Variants in PCP4L1 observed in about 807,000 individuals in gnomAD.
PCP4L1 encodes the protein Purkinje cell protein 4 like 1, also known as Purkinje cell protein 4-like protein 1.
In PCP4L1, 9 loss-of-function variants were observed where a neutral mutation model predicts 9.6. The observed-to-expected ratio is 0.94, with a 90% CI of 0.57 to 1.64. PCP4L1 has a LOEUF of 1.64. Ranked by LOEUF, PCP4L1 falls within the 40% of genes most tolerant of loss-of-function variation. The pLI is 0.00. For missense variants in PCP4L1, 81 were observed against 80.8 expected (o/e 1.00, Z -0.01); for synonymous variants, 31 against 28.2 (o/e 1.10, Z -0.31).
rs1160429112 is a variant in PCP4L1, at chr1:161,263,899, CTTTTTTTTTTT to C, written c.9+4934_9+4944del. On this transcript the variant is annotated intron_variant, in intron 1 of 2. Coordinates refer to ENST00000504449, the MANE Select transcript of PCP4L1 (RefSeq NM_001102566.2). ...ATGCTTGGCCTCAATACTTTCTTTC[CTTTTTTTTTTT>C]TTTTTTTTTTTTTTTTTGAGATGGA... is the stretch of plus-strand genomic sequence containing the variant. Among the ~76,000 whole-genome samples the C allele has an allele frequency of 6.0e-3, 425 of 70,788 alleles. 6 individuals carry two copies. Among genetic ancestry groups the C allele is most frequent in the Non-Finnish European group, 7.7e-3 (293 of 38,252 alleles). The allele number at this position is 70,788 out of a possible 152,430, so 46.4% of individuals were successfully genotyped here.
chr1:161,282,280 G>A (rs563383459), intron 1 of PCP4L1, among the ~76,000 whole-genome samples: 4 of 152,218 alleles, frequency 2.6e-5, no homozygotes, highest in Admixed American at 1.3e-4. Flanking sequence ...GCAGGCACTC[G>A]GCAGGCTGAG....
At chr1:161,280,570 C>T (rs1476857642) in intron 1 of PCP4L1, among the ~76,000 whole-genome samples, 5 of 152,300 alleles carry the variant, frequency 3.3e-5, no homozygotes, top group Non-Finnish European at 7.4e-5. Context: ...CCCTCTTGAG[C>T]CCATTACAAT....
At chr1:161,265,732 CTTTTTT>C (rs869123262) in intron 1 of PCP4L1, among the ~76,000 whole-genome samples, 3 of 76,704 alleles carry the variant, frequency 3.9e-5, no homozygotes, top group Admixed American at 1.7e-4. Context: ...TCCAAAACCA[CTTTTTT>C]TTTTTTTTTT....
At chr1:161,276,537 C>T (rs2102238571) in intron 1 of PCP4L1, among the ~76,000 whole-genome samples, 1 of 151,962 alleles carries the variant, frequency 6.6e-6, no homozygotes, top group South Asian at 2.1e-4. Context: ...ACAAAAATTA[C>T]CCAGGTATAG....
intron 1 of PCP4L1, among the ~76,000 whole-genome samples, chr1:161,270,530 TAAATGGG>T (rs1669605117): frequency 8.5e-6 from 1 of 117,318 alleles, no homozygotes. Flanking sequence ...AGAGCCCTCA[TAAATGGG>T]ATTAGTACCC....
At position 161,284,661 on chromosome 1, in the gene PCP4L1, G is replaced by T. The variant is rs1434269206; in HGVS notation, c.*180G>T. ...GAAGTAGAGGCACAAGAGAGGTGGA[G>T]AAGATGAAGACTTCAATCAGCAGTC... On this transcript the variant is annotated 3_prime_UTR_variant, in exon 3 of 3. Coordinates refer to ENST00000504449, the MANE Select transcript of PCP4L1 (RefSeq NM_001102566.2). 9 of 780,956 alleles carry T rather than the reference G, an allele frequency of 1.2e-5. No homozygotes were observed. Among genetic ancestry groups the T allele is most frequent in the Non-Finnish European group, 1.8e-5 (9 of 491,398 alleles). The allele number at this position is 780,956 out of a possible 1,614,324, so 48.4% of individuals were successfully genotyped here.
At chr1:161,270,993 G>T (rs959053622) in intron 1 of PCP4L1, among the ~76,000 whole-genome samples, 1 of 152,122 alleles carries the variant, frequency 6.6e-6, no homozygotes, top group Non-Finnish European at 1.5e-5. Flanking sequence ...ATTAATTCAG[G>T]TTGTTTCCAG....
intron 1 of PCP4L1, among the ~76,000 whole-genome samples, chr1:161,266,792 C>T (rs1669538319): frequency 6.6e-6 from 1 of 152,086 alleles, no homozygotes; most frequent in African/African-American, 2.4e-5. Flanking sequence ...TTGAGCAAGT[C>T]TTTCTGAAGC....
chr1:161,267,266 C>T (rs1483782570), intron 1 of PCP4L1, among the ~76,000 whole-genome samples: 2 of 152,160 alleles, frequency 1.3e-5, no homozygotes, highest in Non-Finnish European at 2.9e-5. Context: ...GCAGTAAGTA[C>T]CAAAATGTGT....
At chr1:161,267,024 AC>A (rs1402093261) in intron 1 of PCP4L1, among the ~76,000 whole-genome samples, 1 of 152,162 alleles carries the variant, frequency 6.6e-6, no homozygotes, top group African/African-American at 2.4e-5. Flanking sequence ...CTTTGTCGCC[AC>A]TTGGAAGCAG....
chr1:161,275,837 C>G (rs1398639725), intron 1 of PCP4L1, among the ~76,000 whole-genome samples: 1 of 150,076 alleles, frequency 6.7e-6, no homozygotes, highest in South Asian at 2.1e-4. Flanking sequence ...GCTCTGTCAC[C>G]CAGGTTGGAG....
intron 1 of PCP4L1, among the ~76,000 whole-genome samples, chr1:161,267,789 C>T (rs762143128): frequency 4.6e-5 from 7 of 152,032 alleles, no homozygotes; most frequent in Non-Finnish European, 7.4e-5. Context: ...GTTGGCTCAC[C>T]GTGACCTCTG....
chr1:161,273,005 A>G (rs1669647118), intron 1 of PCP4L1, among the ~76,000 whole-genome samples: 1 of 152,186 alleles, frequency 6.6e-6, no homozygotes, highest in Non-Finnish European at 1.5e-5. Flanking sequence ...CCTCTCTGCA[A>G]TCTCAAAGCC....
In PCP4L1 at chr1:161,285,295, C is replaced by T. The variant is rs902614467; in HGVS notation, c.*814C>T. ...TCACCGCTAACCCTCCAAGTCTAAC[C>T]ATCCCCAGAGGCCACACAAACCAAG... is the stretch of plus-strand genomic sequence containing the variant. On this transcript the variant is annotated 3_prime_UTR_variant, in exon 3 of 3. Transcript: ENST00000504449. 1 of 152,362 alleles carries T rather than the reference C, an allele frequency of 6.6e-6. No homozygotes were observed. Among genetic ancestry groups the T allele is most frequent in the Non-Finnish European group, 1.5e-5 (1 of 68,026 alleles). 9.4% of individuals were successfully genotyped at this position (152,362 alleles called of 1,614,324 possible).
chr1:161,280,567 G>T (rs1444807225), intron 1 of PCP4L1, among the ~76,000 whole-genome samples: 1 of 151,816 alleles, frequency 6.6e-6, no homozygotes, highest in Admixed American at 6.6e-5. Flanking sequence ...TTTCCCTCTT[G>T]AGCCCATTAC....
intron 1 of PCP4L1, among the ~76,000 whole-genome samples, chr1:161,262,811 G>A (rs1280446057): frequency 1.3e-5 from 2 of 152,196 alleles, no homozygotes; most frequent in African/African-American, 4.8e-5. Flanking sequence ...AGAGGATGAA[G>A]AAAGATGAAT....
intron 1 of PCP4L1, among the ~76,000 whole-genome samples, chr1:161,270,373 C>A (rs1054010414): frequency 6.6e-6 from 1 of 152,000 alleles, no homozygotes; most frequent in Non-Finnish European, 1.5e-5. Context: ...TGGGTTGTTA[C>A]AATTGCTCAT....
intron 1 of PCP4L1, among the ~76,000 whole-genome samples, chr1:161,271,843 C>T (rs1210830519): frequency 6.6e-6 from 1 of 150,942 alleles, no homozygotes; most frequent in Non-Finnish European, 1.5e-5. Flanking sequence ...CTCACTCTGT[C>T]ACCCAGGCTG....
At chr1:161,265,283 C>G (rs1050961628) in intron 1 of PCP4L1, among the ~76,000 whole-genome samples, 1 of 152,142 alleles carries the variant, frequency 6.6e-6, no homozygotes, top group Non-Finnish European at 1.5e-5. Context: ...ATTATCCCAG[C>G]ACTTTGGAAG....
Sources: allele counts gnomAD v4.1 joint callset (sites outside exome capture counted in the v4.1 genomes callset), GRCh38; gene constraint gnomAD v4.1.1; transcripts MANE v1.5; gene names NCBI Gene and HGNC (gene_info 2026-07-23, HGNC 2026-07-21).